The following CLHC1 variants were observed in gnomAD, a reference collection of about 807,000 sequenced individuals.
CLHC1 encodes clathrin heavy chain linker domain containing 1.
A neutral mutation model predicts 69.5 loss-of-function variants in CLHC1; 72 were observed. The ratio of observed to expected loss-of-function variants is 1.04; its 90% CI spans 0.86 to 1.26. The LOEUF is 1.26. Among genes scored for constraint, CLHC1 ranks in the 50% most tolerant of loss-of-function variants. CLHC1 has a pLI of 0.00. For missense variants in CLHC1, 790 were observed against 679.3 expected (o/e 1.16, Z -1.81); for synonymous variants, 223 against 224.3 (o/e 0.99, Z 0.05).
Position 55,180,641 on chromosome 2 carries a change from T to C in CLHC1, c.1253A>G (p.Lys418Arg), listed in dbSNP as rs1214075791. The C allele has an allele frequency of 3.1e-6, 5 of 1,613,896 alleles. No individual in the cohort carries two copies. The East Asian group carries it at 8.9e-5, about 29-fold the overall frequency. Residue 418 changes from lysine to arginine, a missense_variant, in exon 11 of 13, where the codon AAG becomes AGG. By Grantham distance (26) the Lys-to-Arg change is conservative. Coordinates refer to ENST00000401408, the MANE Select transcript of CLHC1 (RefSeq NM_152385.4). ...YGEQDTYNKA[K>R]CLALAQIVYS... Reference sequence around the variant, plus strand: ...GACAATCTGAGCTAAAGCCAGGCACTTGGCCTTGTTATAAGTATCCTGCTC... The same window carrying C: ...GACAATCTGAGCTAAAGCCAGGCACCTGGCCTTGTTATAAGTATCCTGCTC...
Position 55,206,334 on chromosome 2 carries a change from A to G in CLHC1, c.942T>C (p.Ala314=). Residue 314 remains alanine, a synonymous_variant, in exon 9 of 13, where the codon GCT becomes GCC. Coordinates refer to ENST00000401408, the MANE Select transcript of CLHC1 (RefSeq NM_152385.4). ...TTCTAGGACTGTTTGCTGCATAACA[A>G]GCTGCCTTTTCATATTCACCAAGTG... The part of the protein sequence containing the change: ...LISLGEYEKA[A]CYAANSPRRI... The G allele has an allele frequency of 6.2e-7, 1 of 1,611,470 alleles. No individual in the cohort carries two copies.
At chr2:55,214,664 T>G (rs1031020835) in intron 4 of CLHC1, 1 of 152,240 alleles carries the variant, frequency 6.6e-6, no homozygotes, top group Non-Finnish European at 1.5e-5. Context: ...CCACTGGCTT[T>G]ATTCTAAATA....
intron 2 of CLHC1, chr2:55,224,315 T>C: frequency 2.2e-6 from 1 of 458,140 alleles, no homozygotes; most frequent in Non-Finnish European, 4.5e-6. Context: ...CCTCTGGGAG[T>C]GTTTGAGTGT....
chr2:55,198,270 T>C (rs1671611322), intron 9 of CLHC1, among the ~76,000 whole-genome samples: 1 of 152,020 alleles, frequency 6.6e-6, no homozygotes, highest in African/African-American at 2.4e-5. Context: ...AAGACAGAGA[T>C]GGGGTAGAAA....
chr2:55,173,966 TC>T lies in CLHC1; in HGVS notation c.*1823del, dbSNP rs2105136321. ...AAGACATTTTTTTTTCTAAGCTCTG[TC>T]AATGGACACATAATAGCTTTCTATC... On this transcript the variant is annotated 3_prime_UTR_variant, in exon 13 of 13. Coordinates refer to ENST00000401408, the MANE Select transcript of CLHC1 (RefSeq NM_152385.4). Among the ~76,000 whole-genome samples the T allele has an allele frequency of 6.7e-6, 1 of 150,080 alleles. No homozygotes were observed. Among genetic ancestry groups the T allele is most frequent in the African/African-American group, 2.5e-5 (1 of 40,722 alleles).
chr2:55,231,736 T>C (rs898125892), intron 1 of CLHC1, among the ~76,000 whole-genome samples: 11 of 152,156 alleles, frequency 7.2e-5, no homozygotes, highest in Non-Finnish European at 1.6e-4. Flanking sequence ...CCATACATAC[T>C]CCAAAAACTT....
At chr2:55,211,887 G>A (rs2103963381) in intron 5 of CLHC1, among the ~76,000 whole-genome samples, 1 of 152,312 alleles carries the variant, frequency 6.6e-6, no homozygotes, top group East Asian at 1.9e-4. Flanking sequence ...AGTGAATGCT[G>A]ACATCAACAT....
At chr2:55,217,541 AAAAAAAAAAAAATAT>A (rs1345644089) in intron 4 of CLHC1, among the ~76,000 whole-genome samples, 8 of 84,634 alleles carry the variant, frequency 9.5e-5, no homozygotes, top group Non-Finnish European at 1.3e-4. Context: ...AAAAAAAAAA[AAAAAAAAAAAAATAT>A]ATATATATAT....
At chr2:55,206,233 T>A (rs758171720) in intron 9 of CLHC1, 37 bp downstream of exon 9, 1 of 1,225,568 alleles carries the variant, frequency 8.2e-7, no homozygotes, top group Non-Finnish European at 1.2e-6. Flanking sequence ...AGTAGTAAAT[T>A]TTCATACATA....
intron 9 of CLHC1, among the ~76,000 whole-genome samples, chr2:55,195,922 T>C (rs773136915): frequency 9.9e-5 from 15 of 152,224 alleles, no homozygotes; most frequent in Non-Finnish European, 2.1e-4. Context: ...TTCATGTTAC[T>C]GAAAGAGGCA....
rs143379405 is a variant in CLHC1 at position 55,206,295 on chromosome 2, G to C, written c.981C>G (p.Asn327Lys). 4.4e-6 allele frequency: 7 copies of C among 1,604,868 alleles called. No individual in the cohort carries two copies. The African/African-American group carries it at 9.4e-5, about 21-fold the overall frequency. The change falls in exon 9 of 13, where the codon AAC (asparagine) becomes AAG (lysine). Residue 327 changes from asparagine (N) to lysine (K), a missense_variant. Physicochemically the swap from Asn to Lys is moderately conservative, Grantham distance 94 (BLOSUM62 0). Transcript: ENST00000401408. ...CCTTAAATGTATTCATTGTACCAAT[G>C]TTTCGAAGAATTCTTCTAGGACTGT... Reference protein sequence around the residue: ...AANSPRRILRNIGTMNTFKAV... With the variant: ...AANSPRRILRKIGTMNTFKAV...
intron 1 of CLHC1, among the ~76,000 whole-genome samples, chr2:55,231,496 G>C (rs1375293756): frequency 6.6e-6 from 1 of 152,162 alleles, no homozygotes; most frequent in Non-Finnish European, 1.5e-5. Context: ...GAATATTTTG[G>C]AGGCAATAGT....
Position 55,206,387 on chromosome 2 carries a change from C to T in CLHC1, c.900-11G>A. 1 of 1,476,378 alleles carries T rather than the reference C, an allele frequency of 6.8e-7. No homozygotes were observed. Among genetic ancestry groups the T allele is most frequent in the Admixed American group, 1.7e-5 (1 of 59,384 alleles). The allele number at this position is 1,476,378 out of a possible 1,614,324, so 91.5% of individuals were successfully genotyped here. A position where few individuals can be genotyped will look rare whatever the true frequency, so the allele number is the denominator to read the frequency against. On this transcript the variant is annotated splice_polypyrimidine_tract_variant and intron_variant, in intron 8 of 12. Transcript: ENST00000401408. ...ATTAACTCATTAAACCTATAGCCAT[C>T]ACATTTTAAAATGCATTATAATGAC...
intron 4 of CLHC1, among the ~76,000 whole-genome samples, chr2:55,216,279 G>A (rs1324081448): frequency 2.8e-5 from 4 of 145,388 alleles, no homozygotes; most frequent in Non-Finnish European, 3.0e-5. Flanking sequence ...GAAAAAGAGC[G>A]AAACTCCGTC....
chr2:55,218,065 G>C (rs946193398), intron 3 of CLHC1, 67 bp from the exon 4 acceptor site: 4 of 769,914 alleles, frequency 5.2e-6, no homozygotes, highest in Non-Finnish European at 5.8e-6. Flanking sequence ...TGAAATTCTT[G>C]CAAATAACAT....
chr2:55,228,791 T>A (rs1561232), intron 1 of CLHC1, among the ~76,000 whole-genome samples: 1 of 152,206 alleles, frequency 6.6e-6, no homozygotes, highest in Non-Finnish European at 1.5e-5. Flanking sequence ...GGAGACACAG[T>A]ATTGAACAAA....
chr2:55,208,802 T>C (rs1672688222), intron 7 of CLHC1, 92 bp from the exon 8 acceptor site: 1 of 801,158 alleles, frequency 1.2e-6, no homozygotes, highest in Admixed American at 2.0e-5. Context: ...CAACAGCTTA[T>C]TGCTATGGCT....
chr2:55,176,148 C>A (rs546681308), intron 12 of CLHC1, among the ~76,000 whole-genome samples, 162 bp from the exon 13 acceptor site: 1 of 152,048 alleles, frequency 6.6e-6, no homozygotes, highest in Non-Finnish European at 1.5e-5. Context: ...CTCAGTCAAG[C>A]TCATGGTAAG....
chr2:55,180,412 T>C, intron 11 of CLHC1, 98 bp downstream of exon 11: 1 of 824,894 alleles, frequency 1.2e-6, no homozygotes, highest in Non-Finnish European at 1.9e-6. Context: ...AAAATTGATT[T>C]TATAACGTAA....
Sources: gnomAD v4.1 joint callset for allele counts (sites outside exome capture counted in the v4.1 genomes callset) on GRCh38, gnomAD v4.1.1 for gene constraint, MANE v1.5 for transcripts, NCBI Gene and HGNC (gene_info 2026-07-23, HGNC 2026-07-21) for gene names.